FUT8: variants seen among roughly 807,000 people sequenced by gnomAD.
FUT8 encodes fucosyltransferase 8.
In FUT8, 29 loss-of-function variants were observed where a neutral mutation model predicts 71.3. The ratio of observed to expected loss-of-function variants is 0.41; its 90% CI spans 0.30 to 0.55. The LOEUF is 0.55. Ranked by LOEUF, FUT8 falls within the 20% of genes least tolerant of loss-of-function variation. The pLI is 0.34. For synonymous variants in FUT8, 254 were observed against 239.3 expected (o/e 1.06, Z -0.57); for missense variants, 544 against 702.1 (o/e 0.77, Z 2.55).
chr14:65,592,470 G>A (rs180774145), intron 3 of FUT8, among the ~76,000 whole-genome samples: 61 of 152,080 alleles, frequency 4.0e-4, no homozygotes, highest in African/African-American at 1.4e-3. Context: ...CTATCTATCT[G>A]TATTAGATAG....
chr14:65,493,887 A>G (rs1321995742), intron 2 of FUT8, among the ~76,000 whole-genome samples: 1 of 152,050 alleles, frequency 6.6e-6, no homozygotes, highest in Non-Finnish European at 1.5e-5. Flanking sequence ...GAGGAGGTGA[A>G]TAAAATTTAT....
At chr14:65,665,669 C>G (rs2140361276) in intron 6 of FUT8, among the ~76,000 whole-genome samples, 1 of 152,196 alleles carries the variant, frequency 6.6e-6, no homozygotes, top group South Asian at 2.1e-4. Flanking sequence ...GTAGCAAAGA[C>G]ATGGAATCAA....
chr14:65,730,498 C>G (rs1253430100), intron 9 of FUT8, among the ~76,000 whole-genome samples: 2 of 152,082 alleles, frequency 1.3e-5, no homozygotes, highest in Non-Finnish European at 2.9e-5. Flanking sequence ...ATGGTAAAAC[C>G]CTGTCTCTAC....
intron 6 of FUT8, among the ~76,000 whole-genome samples, chr14:65,650,718 A>AC (rs1891356466): frequency 6.7e-6 from 1 of 150,270 alleles, no homozygotes; most frequent in Non-Finnish European, 1.5e-5. Flanking sequence ...AAAAAAAAAA[A>AC]AAAAAAAAAA....
the FUT8 span, among the ~76,000 whole-genome samples, chr14:65,387,937 T>A: frequency 6.6e-6 from 1 of 152,188 alleles, no homozygotes; most frequent in Non-Finnish European, 1.5e-5. Context: ...TTTAACCAAT[T>A]TTGTGTCAGA....
At chr14:65,382,944 T>C in the FUT8 span, among the ~76,000 whole-genome samples, 1 of 152,012 alleles carries the variant, frequency 6.6e-6, no homozygotes, top group East Asian at 1.9e-4. Flanking sequence ...TTCTGTGTTA[T>C]AGGGTCACCA....
At chr14:65,702,168 A>G (rs1172088105) in intron 7 of FUT8, among the ~76,000 whole-genome samples, 1 of 152,102 alleles carries the variant, frequency 6.6e-6, no homozygotes, top group Non-Finnish European at 1.5e-5. Flanking sequence ...CAACATGGAG[A>G]AACCCTGTCT....
At chr14:65,468,670 CT>C (rs2066086083) in intron 2 of FUT8, among the ~76,000 whole-genome samples, 1 of 152,072 alleles carries the variant, frequency 6.6e-6, no homozygotes, top group African/African-American at 2.4e-5. Flanking sequence ...TGGTATTTAT[CT>C]TGCTTGGTGT....
At chr14:65,673,494 G>T (rs1892569786) in intron 7 of FUT8, among the ~76,000 whole-genome samples, 1 of 152,128 alleles carries the variant, frequency 6.6e-6, no homozygotes, top group Non-Finnish European at 1.5e-5. Flanking sequence ...ATGCATATTT[G>T]GGGTTCTTTT....
rs907954742 is a variant in FUT8 at position 65,669,572 on chromosome 14, T to C, written c.835+92T>C. ...CTAGGTAGACCTTCATGGAACATAC[T>C]TATCTTTTCCTCTGGATCCATGAAT... On this transcript the variant is annotated intron_variant, in intron 7 of 10. Transcript: ENST00000673929. The surrounding 1 kb of genome is among the most constrained non-coding windows in gnomAD (Gnocchi z 4.5). 5.3e-5 allele frequency: 44 copies of C among 832,680 alleles called. No homozygotes were observed. The highest frequency in any genetic ancestry group is 7.6e-5 in the Non-Finnish European group (38 of 501,928). 51.6% of individuals were successfully genotyped at this position (832,680 alleles called of 1,614,324 possible). A position where few individuals can be genotyped will look rare whatever the true frequency, so the allele number is the denominator to read the frequency against.
At chr14:65,668,923 G>A (rs1004540355) in intron 6 of FUT8, among the ~76,000 whole-genome samples, 19 of 152,096 alleles carry the variant, frequency 1.2e-4, no homozygotes, top group Non-Finnish European at 2.8e-4. Context: ...GCAAACTAAT[G>A]CAGGAACAGA....
intron 2 of FUT8, among the ~76,000 whole-genome samples, chr14:65,484,980 T>C (rs1482940931): frequency 3.3e-5 from 5 of 152,150 alleles, no homozygotes; most frequent in Non-Finnish European, 7.3e-5. Context: ...TTTAGAGTTT[T>C]GATTTAGATC....
chr14:65,677,160 G>GCGCGCA (rs777736990), intron 7 of FUT8, among the ~76,000 whole-genome samples: 26 of 114,978 alleles, frequency 2.3e-4, no homozygotes, highest in Non-Finnish European at 3.7e-4. Flanking sequence ...GTGCGCGCGC[G>GCGCGCA]CATGCGCGCG....
At chr14:65,732,583 A>G (rs1896029694) in intron 9 of FUT8, among the ~76,000 whole-genome samples, 1 of 152,188 alleles carries the variant, frequency 6.6e-6, no homozygotes, top group South Asian at 2.1e-4. Flanking sequence ...ATCTCTAGCA[A>G]GACTACCAAA....
the FUT8 span, among the ~76,000 whole-genome samples, chr14:65,395,804 T>C: frequency 3.3e-5 from 5 of 152,232 alleles, no homozygotes; most frequent in East Asian, 9.6e-4. Context: ...CCCCAGAAAA[T>C]GGGTTTTTCT....
At chr14:65,436,279 A>AAAC (rs572581839) in intron 1 of FUT8, among the ~76,000 whole-genome samples, 1 of 152,044 alleles carries the variant, frequency 6.6e-6, no homozygotes, top group Non-Finnish European at 1.5e-5. Flanking sequence ...CCCTGTCTCA[A>AAAC]AACAACAACA....
At chr14:65,728,326 T>C (rs1428671163) in intron 9 of FUT8, among the ~76,000 whole-genome samples, 3 of 152,212 alleles carry the variant, frequency 2.0e-5, no homozygotes, top group African/African-American at 7.2e-5. Flanking sequence ...TTTAATGGAC[T>C]TACAGTTCCA....
chr14:65,401,828 G>A, the FUT8 span, among the ~76,000 whole-genome samples: 2 of 150,748 alleles, frequency 1.3e-5, no homozygotes, highest in African/African-American at 2.5e-5. Context: ...GGGAGACAGA[G>A]GTTGCAGTGA....
In FUT8 at chr14:65,550,837, A is replaced by G. The variant is rs370237376; in HGVS notation, c.-227-10500A>G. ...ATAGTATAAAATACATATTTTTGGC[A>G]AAGTAATTAATACTTTATTCAACTG... On this transcript the variant is annotated intron_variant, in intron 2 of 10. Coordinates refer to ENST00000673929, the MANE Select transcript of FUT8 (RefSeq NM_001371533.1). This position sits in a 1 kb window ranked among gnomAD's most constrained non-coding sequence, Gnocchi z 4.5. 3.3e-5 allele frequency among the ~76,000 whole-genome samples: 5 copies of G among 152,204 alleles called. 1 individual carries two copies. The highest frequency in any genetic ancestry group is 4.1e-4 in the South Asian group (2 of 4,834).
Sources: gnomAD v4.1 joint callset for allele counts (sites outside exome capture counted in the v4.1 genomes callset) on GRCh38, gnomAD v4.1.1 for gene constraint, Gnocchi (gnomAD v3.1) non-coding constraint, MANE v1.5 for transcripts, NCBI Gene and HGNC (gene_info 2026-07-23, HGNC 2026-07-21) for gene names.